Variants in ABCC4 observed in about 807,000 individuals in gnomAD.
ABCC4 encodes ATP-binding cassette sub-family C member 4.
In ABCC4, 102 loss-of-function variants were observed where a neutral mutation model predicts 168.5. The observed-to-expected ratio is 0.61, with a 90% confidence interval of 0.52 to 0.71. ABCC4 has a LOEUF of 0.71. Among genes scored for constraint, ABCC4 ranks in the 30% least tolerant of loss-of-function variants. ABCC4 has a pLI of 0.00. For missense variants in ABCC4, 1,402 were observed against 1,605.8 expected, an observed-to-expected ratio of 0.87 and a Z score of 2.17; for synonymous variants, 617 against 590.7, an observed-to-expected ratio of 1.04 and a Z score of -0.65.
chr13:95,103,073 G>A (rs898766690), intron 20 of ABCC4, among the ~76,000 whole-genome samples: 78 of 151,424 alleles, frequency 5.2e-4, no homozygotes, highest in African/African-American at 1.5e-3. Context: ...GAGACCAGCC[G>A]GGCCAATACG....
At chr13:95,236,034 C>A (rs2039757927) in intron 3 of ABCC4, among the ~76,000 whole-genome samples, 2 of 152,134 alleles carry the variant, frequency 1.3e-5, no homozygotes. Context: ...GTAGGGAATG[C>A]AATTTTAACC....
intron 27 of ABCC4, among the ~76,000 whole-genome samples, chr13:95,046,085 C>T (rs1171628915): frequency 6.6e-6 from 1 of 152,212 alleles, no homozygotes; most frequent in African/African-American, 2.4e-5. Flanking sequence ...GTCAAACCCT[C>T]TCCATTACAA....
chr13:95,051,772 T>C (rs2032848105), intron 27 of ABCC4, among the ~76,000 whole-genome samples: 1 of 152,048 alleles, frequency 6.6e-6, no homozygotes, highest in Admixed American at 6.5e-5. Context: ...GTTCAAGCAA[T>C]TCTCCTGCCT....
At chr13:95,026,799 G>C (rs2031569215) in intron 30 of ABCC4, among the ~76,000 whole-genome samples, 1 of 151,990 alleles carries the variant, frequency 6.6e-6, no homozygotes, top group Non-Finnish European at 1.5e-5. Flanking sequence ...TGAGAAGGGA[G>C]CATTGCTTGA....
intron 14 of ABCC4, among the ~76,000 whole-genome samples, chr13:95,166,822 G>A (rs2037288463): frequency 6.6e-6 from 1 of 152,152 alleles, no homozygotes; most frequent in Admixed American, 6.5e-5. Context: ...GGGCCCTGCT[G>A]GAAAAAGGCG....
At chr13:95,098,418 G>C (rs537032925) in intron 20 of ABCC4, among the ~76,000 whole-genome samples, 1 of 151,390 alleles carries the variant, frequency 6.6e-6, no homozygotes, top group Admixed American at 6.6e-5. Context: ...GAATTCACTG[G>C]AAAAAAAATC....
intron 26 of ABCC4, among the ~76,000 whole-genome samples, chr13:95,060,539 A>G (rs2033247352): frequency 1.3e-5 from 2 of 152,250 alleles, no homozygotes; most frequent in Admixed American, 1.3e-4. Flanking sequence ...ATCTCTGCTA[A>G]GTAAACCTCA....
At chr13:95,272,145 A>G (rs1364096930) in intron 1 of ABCC4, among the ~76,000 whole-genome samples, 1 of 152,048 alleles carries the variant, frequency 6.6e-6, no homozygotes, top group East Asian at 1.9e-4. Context: ...CCTAGGTTCA[A>G]GTGATTCTCC....
intron 21 of ABCC4, 57 bp from the exon 22 acceptor site, chr13:95,075,608 G>A: frequency 1.2e-6 from 2 of 1,607,270 alleles, no homozygotes; most frequent in South Asian, 2.2e-5. Context: ...AAAACCTGCG[G>A]CCTCCCAAGC....
At position 95,044,313 on chromosome 13, in the gene ABCC4, T is replaced by C. The variant is rs770141439; in HGVS notation, c.3582A>G (p.Lys1194=). ...LVCLARAILR[K]NQILIIDEAT... ...CTTCATCAATAATCAATATCTGATT[T>C]TTCCTGAGAATTGCCCTGGCAAGGC... The change falls in exon 28 of 31, where the codon AAA becomes AAG. Residue 1194 remains lysine (K), a synonymous_variant. Transcript: ENST00000645237. The C allele has an allele frequency of 1.9e-6, 3 of 1,613,678 alleles. No homozygotes were observed. The highest frequency in any genetic ancestry group is 2.5e-6 in the Non-Finnish European group (3 of 1,179,852).
chr13:95,166,154 T>C lies in ABCC4; in HGVS notation c.2034+4A>G. The C allele has an allele frequency of 6.2e-7, 1 of 1,612,710 alleles. No homozygotes were observed. The highest frequency in any genetic ancestry group is 8.5e-7 in the Non-Finnish European group (1 of 1,178,752). On this transcript the variant is annotated splice_donor_region_variant and intron_variant, in intron 15 of 30. Coordinates refer to ENST00000645237, the MANE Select transcript of ABCC4 (RefSeq NM_005845.5). ...GGCCATGTTGTAACAGGAGGTGAAC[T>C]CACATCTTGGCTCTCCAGAGCACCA...
chr13:95,212,923 T>G (rs1416489956), intron 4 of ABCC4, among the ~76,000 whole-genome samples: 1 of 151,230 alleles, frequency 6.6e-6, no homozygotes, highest in East Asian at 1.9e-4. Context: ...AGGTCGGGAG[T>G]TCGAGACCAG....
At chr13:95,248,335 G>A (rs528916305) in intron 1 of ABCC4, among the ~76,000 whole-genome samples, 56 of 152,288 alleles carry the variant, frequency 3.7e-4, no homozygotes, top group African/African-American at 1.3e-3. Flanking sequence ...GAATGATGAG[G>A]TTAGAAAACA....
chr13:95,206,603 T>A lies in ABCC4; in HGVS notation c.1090A>T (p.Thr364Ser). 6.2e-7 allele frequency: 1 copy of A among 1,614,136 alleles called. No homozygotes were observed. The highest frequency in any genetic ancestry group is 1.7e-5 in the Admixed American group (1 of 60,030). Residue 364 changes from threonine (T) to serine (S), a missense_variant, in exon 8 of 31, where the codon ACG (threonine) becomes TCG (serine). Physicochemically the swap from Thr to Ser is moderately conservative, Grantham distance 58. Around this residue, in one of 3 missense-constraint regions of ABCC4, gnomAD observed 78 missense variants for 133.0 expected, o/e 0.59. Transcript: ENST00000645237. Reference protein sequence around the residue: ...AVTLYGAVRLTVTLFFPSAIE... With the variant: ...AVTLYGAVRLSVTLFFPSAIE... ...GCTGAGGGGAAGAAGAGGGTAACCG[T>A]CAGCCGCACAGCCCCATACAGCGTC...
chr13:95,274,896 GTA>G (rs1207415577), intron 1 of ABCC4, among the ~76,000 whole-genome samples: 3 of 152,088 alleles, frequency 2.0e-5, no homozygotes, highest in Non-Finnish European at 4.4e-5. Context: ...GGCCAACATG[GTA>G]CAACCCTGTC....
chr13:95,292,650 G>A (rs906195704), intron 1 of ABCC4, among the ~76,000 whole-genome samples: 1 of 152,164 alleles, frequency 6.6e-6, no homozygotes, highest in Non-Finnish European at 1.5e-5. Context: ...AGTCATGAGA[G>A]TCACATAATG....
chr13:95,112,616 C>A (rs919353709), intron 20 of ABCC4, among the ~76,000 whole-genome samples: 1 of 152,126 alleles, frequency 6.6e-6, no homozygotes, highest in African/African-American at 2.4e-5. Flanking sequence ...TCTGATGATA[C>A]GTAGTTCCCC....
At chr13:95,230,551 C>T (rs1329324893) in intron 4 of ABCC4, among the ~76,000 whole-genome samples, 2 of 152,124 alleles carry the variant, frequency 1.3e-5, no homozygotes, top group Admixed American at 6.6e-5. Context: ...CCAAGGTGAG[C>T]AGATCGCGAG....
intron 1 of ABCC4, chr13:95,269,439 AT>A: frequency 1.3e-5 from 1 of 78,390 alleles, no homozygotes; most frequent in South Asian, 2.7e-4. Flanking sequence ...AAAAAAATAT[AT>A]ATATATATAT....
Sources: allele counts gnomAD v4.1 joint callset (sites outside exome capture counted in the v4.1 genomes callset), GRCh38; gene constraint gnomAD v4.1.1; regional missense constraint gnomAD v4.1.1; transcripts MANE v1.5; gene names NCBI Gene and HGNC (gene_info 2026-07-23, HGNC 2026-07-21).